The following PMPCB variants were observed in gnomAD, a reference collection of about 807,000 sequenced individuals.
PMPCB encodes peptidase, mitochondrial processing subunit beta.
PMPCB carries 46 observed loss-of-function variants against 61.5 expected under a neutral mutation model. That is an observed-to-expected ratio of 0.75 (90% CI 0.59 to 0.96). The LOEUF (loss-of-function observed/expected upper bound fraction) is 0.96. Among genes scored for constraint, PMPCB ranks in the 40% least tolerant of loss-of-function variants. The probability of loss-of-function intolerance (pLI) is 0.00; values close to 1 mark genes in which losing one functional copy is unlikely to be tolerated. For missense variants in PMPCB, 590 were observed against 602.4 expected (o/e 0.98, Z 0.22); for synonymous variants, 191 against 201.6 (o/e 0.95, Z 0.44).
At chr7:103,326,775 G>T (rs1010076294) in intron 12 of PMPCB, 17 of 1,296,932 alleles carry the variant, frequency 1.3e-5, no homozygotes, top group Non-Finnish European at 1.7e-5. Flanking sequence ...AAACATAGAA[G>T]TCATTAATTT....
chr7:103,337,422 A>G, the PMPCB span: 2 of 217,420 alleles, frequency 9.2e-6, no homozygotes, highest in Non-Finnish European at 1.8e-5. Flanking sequence ...CACTAAGTGC[A>G]GCTGCTATAC....
In PMPCB at chr7:103,312,811, C is replaced by A. The variant is rs148899348; in HGVS notation, c.*540C>A. 7.1e-4 allele frequency: 1,082 copies of A among 1,515,798 alleles called. 6 individuals are homozygous for A. The African/African-American group carries it at 0.014, about 20-fold the overall frequency. 93.9% of individuals were successfully genotyped at this position (1,515,798 alleles called of 1,614,324 possible). ...TTTCTAAGGTTGCTCATTTCTTCCT[C>A]ATAATATTGACCCCATAACTACTGG... On this transcript the variant is annotated 3_prime_UTR_variant, in exon 13 of 13. Coordinates refer to ENST00000249269, the MANE Select transcript of PMPCB (RefSeq NM_004279.3).
At chr7:103,328,131 A>G (rs1439669512) in intron 12 of PMPCB, among the ~76,000 whole-genome samples, 1 of 151,842 alleles carries the variant, frequency 6.6e-6, no homozygotes, top group African/African-American at 2.4e-5. Context: ...TATGTTGGCC[A>G]GGCTGGTCTC....
intron 12 of PMPCB, among the ~76,000 whole-genome samples, chr7:103,326,179 T>A (rs985051604): frequency 7.2e-5 from 11 of 152,122 alleles, no homozygotes; most frequent in African/African-American, 2.7e-4. Context: ...GGTTTCACCA[T>A]GTTGGCCAGG....
intron 7 of PMPCB, among the ~76,000 whole-genome samples, chr7:103,308,656 A>G (rs753044303): frequency 1.1e-4 from 16 of 152,098 alleles, no homozygotes; most frequent in Non-Finnish European, 1.9e-4. Flanking sequence ...CAGATTGACA[A>G]ACACAAAGGA....
At chr7:103,300,093 A>T (rs2115619987) in intron 3 of PMPCB, 85 bp from the exon 4 acceptor site, 2 of 1,307,934 alleles carry the variant, frequency 1.5e-6, no homozygotes, top group East Asian at 4.8e-5. Flanking sequence ...AAACTAACTT[A>T]TGTCCTCCAT....
chr7:103,337,647 A>G, the PMPCB span: 1 of 1,048,972 alleles, frequency 9.5e-7, no homozygotes, highest in Non-Finnish European at 1.4e-6. Flanking sequence ...TTATGGCTGC[A>G]GACTATGATA....
the PMPCB span, among the ~76,000 whole-genome samples, chr7:103,334,905 C>T: frequency 6.6e-6 from 1 of 152,194 alleles, no homozygotes; most frequent in Non-Finnish European, 1.5e-5. Flanking sequence ...GCAATCTCGG[C>T]TGGCTGCAAC....
chr7:103,302,349 G>T (rs1371556938), intron 4 of PMPCB, among the ~76,000 whole-genome samples: 1 of 151,996 alleles, frequency 6.6e-6, no homozygotes, highest in East Asian at 1.9e-4. Context: ...AAATACATGT[G>T]CTACTATACT....
In PMPCB at chr7:103,299,634, T is replaced by G. The variant is rs535445339; in HGVS notation, c.327+105T>G. 4.7e-5 allele frequency: 29 copies of G among 616,452 alleles called. No homozygotes were observed. In the African/African-American group the frequency reaches 5.4e-4, roughly 11 times the overall value. 38.2% of individuals were successfully genotyped at this position (616,452 alleles called of 1,614,324 possible). ...AGCTCTTTCAGTAGTATAACATGTT[T>G]TATGTTTATTTTTCCAGGACAGTAT... On this transcript the variant is annotated intron_variant, in intron 3 of 12. Coordinates refer to ENST00000249269, the MANE Select transcript of PMPCB (RefSeq NM_004279.3).
chr7:103,331,562 C>T (rs750384155), downstream of PMPCB, among the ~76,000 whole-genome samples: 13 of 152,288 alleles, frequency 8.5e-5, no homozygotes, highest in East Asian at 2.5e-3. Flanking sequence ...ACTACCTCCA[C>T]GAGATCAACT....
At chr7:103,320,883 TG>T (rs1818368700) in intron 12 of PMPCB, 1 of 172,534 alleles carries the variant, frequency 5.8e-6, no homozygotes, top group East Asian at 1.7e-4. Context: ...TAGTTACATT[TG>T]CATAGTAAAG....
chr7:103,329,079 G>A (rs915267309), exon 13 of PMPCB: 12 of 959,164 alleles, frequency 1.3e-5, no homozygotes, highest in Non-Finnish European at 1.7e-5. Flanking sequence ...ATTATCGCTG[G>A]TGGTCAACAA....
chr7:103,312,837 T>G lies in PMPCB; in HGVS notation c.*566T>G. Reference sequence around the variant, plus strand: ...ATAATATTGACCCCATAACTACTGGTTTTGAAATAAGCACTATATTATTAA... The same window carrying G: ...ATAATATTGACCCCATAACTACTGGGTTTGAAATAAGCACTATATTATTAA... On this transcript the variant is annotated 3_prime_UTR_variant, in exon 13 of 13. Coordinates refer to ENST00000249269, the MANE Select transcript of PMPCB (RefSeq NM_004279.3). 6.6e-7 allele frequency: 1 copy of G among 1,524,240 alleles called. No individual in the cohort carries two copies. The highest frequency in any genetic ancestry group is 8.8e-7 in the Non-Finnish European group (1 of 1,142,592). The allele number at this position is 1,524,240 out of a possible 1,614,324, so 94.4% of individuals were successfully genotyped here.
chr7:103,309,019 C>T lies in PMPCB; in HGVS notation c.917C>T (p.Ala306Val). Residue 306 changes from alanine (A) to valine (V), a missense_variant, in exon 8 of 13, where the codon GCA becomes GTA. Coordinates refer to ENST00000249269, the MANE Select transcript of PMPCB (RefSeq NM_004279.3). ...ATAGCTGTTGAAGCTGTTGGTTGGG[C>T]ACATCCAGATACAATCTGTCTCATG... ...LAIAVEAVGW[A>V]HPDTICLMVA... 1 of 1,608,434 alleles carries T rather than the reference C, an allele frequency of 6.2e-7. No homozygotes were observed. The highest frequency in any genetic ancestry group is 2.3e-5 in the East Asian group (1 of 44,410).
At chr7:103,308,654 C>A (rs1467370324) in intron 7 of PMPCB, among the ~76,000 whole-genome samples, 1 of 152,048 alleles carries the variant, frequency 6.6e-6, no homozygotes, top group Non-Finnish European at 1.5e-5. Flanking sequence ...TTCAGATTGA[C>A]AAACACAAAG....
chr7:103,302,188 T>A (rs2115639587), intron 4 of PMPCB, among the ~76,000 whole-genome samples: 1 of 152,332 alleles, frequency 6.6e-6, no homozygotes. Flanking sequence ...ATTTTCTTAA[T>A]CCAGTCTATC....
chr7:103,323,698 GAATA>G, intron 12 of PMPCB: 1 of 1,317,372 alleles, frequency 7.6e-7, no homozygotes, highest in Non-Finnish European at 1.0e-6. Context: ...GATCAAGACA[GAATA>G]AATGAAAAAA....
At chr7:103,317,700 G>A (rs1175576470), downstream of PMPCB, among the ~76,000 whole-genome samples, 1 of 152,102 alleles carries the variant, frequency 6.6e-6, no homozygotes, top group Non-Finnish European at 1.5e-5. Flanking sequence ...GCCCAGGCTG[G>A]AGTGCAGTGG....
Sources: allele counts gnomAD v4.1 joint callset (sites outside exome capture counted in the v4.1 genomes callset), GRCh38; gene constraint gnomAD v4.1.1; transcripts MANE v1.5; gene names NCBI Gene and HGNC (gene_info 2026-07-23, HGNC 2026-07-21).